PYGB: variants seen among roughly 807,000 people sequenced by gnomAD.
PYGB encodes the protein glycogen phosphorylase, brain form.
PYGB carries 82 observed loss-of-function variants against 94.3 expected under a neutral mutation model. The observed-to-expected ratio is 0.87, with a 90% CI of 0.73 to 1.04. The LOEUF is 1.04. Ranked by LOEUF, PYGB falls within the 50% of genes least tolerant of loss-of-function variation. The probability of loss-of-function intolerance (pLI) is 0.00; values close to 1 mark genes in which losing one functional copy is unlikely to be tolerated. For missense variants in PYGB, 1,132 were observed against 1,158.2 expected (o/e 0.98, Z 0.33); for synonymous variants, 488 against 479.1 (o/e 1.02, Z -0.24).
intron 14 of PYGB, 57 bp from the exon 15 acceptor site, chr20:25,288,368 G>A: frequency 3.7e-6 from 6 of 1,601,140 alleles, no homozygotes; most frequent in African/African-American, 1.3e-5. Flanking sequence ...CTGGGCCCCA[G>A]CAGGGGCTCG....
intron 2 of PYGB, among the ~76,000 whole-genome samples, chr20:25,261,707 A>C (rs2092914070): frequency 6.6e-6 from 1 of 152,214 alleles, no homozygotes; most frequent in South Asian, 2.1e-4. Context: ...GATCGAACCC[A>C]TCACAAAGAA....
intron 1 of PYGB, among the ~76,000 whole-genome samples, chr20:25,249,866 T>A (rs184989809): frequency 3.8e-4 from 57 of 151,714 alleles, no homozygotes; most frequent in African/African-American, 9.7e-5. Context: ...TTTTTTTTTT[T>A]AATTCTGAGT....
intron 1 of PYGB, among the ~76,000 whole-genome samples, chr20:25,255,767 C>G (rs1284552640): frequency 6.7e-6 from 1 of 150,154 alleles, no homozygotes; most frequent in Non-Finnish European, 1.5e-5. Flanking sequence ...GAGTTTTGCT[C>G]TTGTTGCCCA....
At chr20:25,269,284 G>A in intron 3 of PYGB, 77 bp downstream of exon 3, 1 of 1,234,972 alleles carries the variant, frequency 8.1e-7, no homozygotes, top group Non-Finnish European at 1.1e-6. Flanking sequence ...GCCAGGGTCA[G>A]GTAAATTGGC....
chr20:25,293,501 T>C (rs1043434531), intron 17 of PYGB, among the ~76,000 whole-genome samples: 3 of 152,232 alleles, frequency 2.0e-5, no homozygotes, highest in Non-Finnish European at 2.9e-5. Flanking sequence ...TGTTGCCTGA[T>C]TGCCTTGAAG....
At chr20:25,294,418 G>A in intron 18 of PYGB, 126 bp downstream of exon 18, 1 of 1,223,302 alleles carries the variant, frequency 8.2e-7, no homozygotes, top group Non-Finnish European at 1.1e-6. Context: ...CTTCTCCACT[G>A]TGCCCATGAG....
At chr20:25,282,258 C>G in intron 12 of PYGB, 111 bp downstream of exon 12, 1 of 845,292 alleles carries the variant, frequency 1.2e-6, no homozygotes, top group Non-Finnish European at 1.8e-6. Context: ...CTGTCCCTCA[C>G]GTGTTGACCT....
intron 2 of PYGB, among the ~76,000 whole-genome samples, chr20:25,261,592 C>T (rs1397039028): frequency 2.6e-5 from 4 of 152,216 alleles, no homozygotes; most frequent in African/African-American, 4.8e-5. Flanking sequence ...TCCAAAGGAA[C>T]GCAGCTCCTC....
At chr20:25,274,453 C>T (rs1002566817) in intron 4 of PYGB, 139 bp from the exon 5 acceptor site, 29 of 1,241,244 alleles carry the variant, frequency 2.3e-5, no homozygotes, top group Admixed American at 6.2e-5. Flanking sequence ...AGTGGGAATC[C>T]CGACCTGGTA....
intron 3 of PYGB, among the ~76,000 whole-genome samples, chr20:25,269,998 C>T (rs550828979): frequency 1.3e-5 from 2 of 152,158 alleles, no homozygotes; most frequent in Non-Finnish European, 2.9e-5. Flanking sequence ...CCAGGCAGCA[C>T]TGAGCCCGCC....
In PYGB at chr20:25,277,240, T is replaced by C. The variant is rs1224227698; in HGVS notation, c.773-4T>C. ...TGTGTTGACCCCGCTCCATTTCTTC[T>C]TAGTCAACGTGGGAGACTACATCGA... On this transcript the variant is annotated splice_polypyrimidine_tract_variant and splice_region_variant and intron_variant, in intron 6 of 19. Transcript: ENST00000216962. The C allele has an allele frequency of 1.9e-6, 3 of 1,553,776 alleles. No individual in the cohort carries two copies. Among genetic ancestry groups the C allele is most frequent in the Non-Finnish European group, 2.7e-6 (3 of 1,125,194 alleles).
At chr20:25,281,534 CTT>C (rs35286896) in intron 11 of PYGB, among the ~76,000 whole-genome samples, 1 of 152,268 alleles carries the variant, frequency 6.6e-6, no homozygotes, top group Admixed American at 6.5e-5. Flanking sequence ...TACTCCCACT[CTT>C]TCACGTAGCA....
chr20:25,258,380 T>C (rs1191584941), intron 1 of PYGB, among the ~76,000 whole-genome samples: 1 of 152,192 alleles, frequency 6.6e-6, no homozygotes, highest in East Asian at 1.9e-4. Flanking sequence ...GGAAGTAAGC[T>C]CCTCCTCCTG....
chr20:25,259,095 G>C lies in PYGB; in HGVS notation c.244-142G>C, dbSNP rs567261244. 1.6e-3 allele frequency: 1,156 copies of C among 736,940 alleles called. 3 individuals are homozygous for C. Among genetic ancestry groups the C allele is most frequent in the Non-Finnish European group, 2.2e-3 (1,029 of 457,622 alleles). 45.7% of individuals were successfully genotyped at this position (736,940 alleles called of 1,614,324 possible). On this transcript the variant is annotated intron_variant, in intron 1 of 19. Transcript: ENST00000216962. The stretch of plus-strand genomic sequence containing the variant: ...GCTGCGGTCAGCAGGCTGCCTGACA[G>C]AGCAAGCCCAGTTTTTGTGCATGGG...
At chr20:25,260,646 C>T (rs912299796) in intron 2 of PYGB, among the ~76,000 whole-genome samples, 11 of 152,096 alleles carry the variant, frequency 7.2e-5, no homozygotes, top group African/African-American at 1.9e-4. Flanking sequence ...TGTAGCCCAC[C>T]GAGCGTGAGA....
chr20:25,294,774 A>T, intron 18 of PYGB: 1 of 675,500 alleles, frequency 1.5e-6, no homozygotes, highest in South Asian at 1.6e-5. Flanking sequence ...GTTTTATTTC[A>T]GTGCAGTTAG....
Position 25,296,392 on chromosome 20 carries a change from A to T in PYGB, c.2402A>T (p.Lys801Met). The T allele has an allele frequency of 6.2e-7, 1 of 1,614,094 alleles. No homozygotes were observed. Among genetic ancestry groups the T allele is most frequent in the Non-Finnish European group, 8.5e-7 (1 of 1,180,030 alleles). ...LYRNPKEWTK[K>M]VIRNIACSGK... ...CAGAACCCCAAGGAGTGGACCAAGA[A>T]GGTCATCAGGAACATCGCCTGCTCG... The change falls in exon 20 of 20, where the codon AAG (lysine) becomes ATG (methionine). Residue 801 changes from lysine (K) to methionine (M), a missense_variant. Transcript: ENST00000216962.
chr20:25,269,253 G>C, intron 3 of PYGB, 46 bp downstream of exon 3: 1 of 1,481,766 alleles, frequency 6.7e-7, no homozygotes, highest in Non-Finnish European at 9.3e-7. Context: ...CCGTTGGCTT[G>C]GTTGGAGGCC....
chr20:25,269,347 A>G, intron 3 of PYGB, 140 bp downstream of exon 3: 1 of 613,126 alleles, frequency 1.6e-6, no homozygotes, highest in South Asian at 2.2e-5. Context: ...TCAGATTGAA[A>G]TCTTGCCACT....
Sources: gnomAD v4.1 joint callset for allele counts (sites outside exome capture counted in the v4.1 genomes callset) on GRCh38, gnomAD v4.1.1 for gene constraint, MANE v1.5 for transcripts, NCBI Gene and HGNC (gene_info 2026-07-23, HGNC 2026-07-21) for gene names.